Variants in DPH6 observed in about 807,000 individuals in gnomAD.
DPH6 encodes diphthamine biosynthesis 6, also known as diphthine--ammonia ligase.
In DPH6, 33 loss-of-function variants were observed where a neutral mutation model predicts 38.2. The ratio of observed to expected loss-of-function variants is 0.86; its 90% CI spans 0.65 to 1.15. DPH6 has a LOEUF of 1.15. Among genes scored for constraint, DPH6 ranks in the 50% most tolerant of loss-of-function variants. DPH6 has a pLI of 0.00. For synonymous variants in DPH6, 108 were observed against 103.0 expected, an observed-to-expected ratio of 1.05 and a Z score of -0.30; for missense variants, 325 against 320.0, an observed-to-expected ratio of 1.02 and a Z score of -0.12.
intron 5 of DPH6, among the ~76,000 whole-genome samples, chr15:35,436,334 T>G (rs189873488): frequency 1.3e-5 from 2 of 151,088 alleles, no homozygotes. Flanking sequence ...GGCGTGGTGG[T>G]GGGCGCCTGT....
At chr15:35,423,951 A>C (rs901863960) in intron 5 of DPH6, among the ~76,000 whole-genome samples, 1 of 151,730 alleles carries the variant, frequency 6.6e-6, no homozygotes, top group Non-Finnish European at 1.5e-5. Flanking sequence ...TGCCAGTGCC[A>C]TTCTGTTTTC....
chr15:35,473,800 T>C (rs2054226147), intron 3 of DPH6, among the ~76,000 whole-genome samples: 1 of 152,022 alleles, frequency 6.6e-6, no homozygotes, highest in Non-Finnish European at 1.5e-5. Flanking sequence ...AAATAATATA[T>C]ACATATAATG....
rs1228430052 is a variant in DPH6, at chr15:35,338,546, G to C, written n.208-7469C>G. 1.4e-4 allele frequency among the ~76,000 whole-genome samples: 22 copies of C among 152,270 alleles called. No individual in the cohort carries two copies. In the East Asian group the frequency reaches 3.7e-3, roughly 25 times the overall value. On this transcript the variant is annotated intron_variant and non_coding_transcript_variant, in intron 3 of 3. Transcript: ENST00000558973. ...GTCAGGAAACAACAGGTGCTGGAGAGGATGTGGAGAAATAGGAACACTTTT... is the reference window on the plus strand; with the variant it reads ...GTCAGGAAACAACAGGTGCTGGAGACGATGTGGAGAAATAGGAACACTTTT...
intron 3 of DPH6, among the ~76,000 whole-genome samples, chr15:35,239,864 CCTGACCT>C (rs1318323855): frequency 7.0e-6 from 1 of 141,864 alleles, no homozygotes; most frequent in African/African-American, 2.5e-5. Context: ...ATTTCTGCAC[CCTGACCT>C]CTTATCTCTG....
At chr15:35,522,193 G>A (rs757381366) in intron 3 of DPH6, 20 of 1,613,126 alleles carry the variant, frequency 1.2e-5, no homozygotes, top group Non-Finnish European at 1.4e-5. Context: ...GTAAACAATC[G>A]CCTGGCTGCC....
intron 5 of DPH6, 99 bp downstream of exon 5, chr15:35,450,586 A>G (rs1443148100): frequency 1.0e-6 from 1 of 970,866 alleles, no homozygotes; most frequent in Non-Finnish European, 1.6e-6. Flanking sequence ...ACATTTTTAT[A>G]TTCTAAATCA....
At chr15:35,296,928 C>T (rs1328914307) in intron 3 of DPH6, among the ~76,000 whole-genome samples, 1 of 126,820 alleles carries the variant, frequency 7.9e-6, no homozygotes, top group African/African-American at 4.3e-5. Context: ...CCTCAGCCTC[C>T]CGAGTAGCTG....
At chr15:35,339,693 T>G (rs1422964468) in intron 3 of DPH6, among the ~76,000 whole-genome samples, 2 of 152,124 alleles carry the variant, frequency 1.3e-5, no homozygotes, top group African/African-American at 4.8e-5. Context: ...TTTGTGTGGT[T>G]TTGAGTAAAT....
At chr15:35,318,207 T>C (rs1200241760) in intron 3 of DPH6, among the ~76,000 whole-genome samples, 4 of 152,210 alleles carry the variant, frequency 2.6e-5, no homozygotes, top group South Asian at 2.1e-4. Context: ...GAAAAAGATA[T>C]ACTATGGAAA....
At chr15:35,262,259 T>C (rs756230294) in intron 3 of DPH6, among the ~76,000 whole-genome samples, 14 of 152,214 alleles carry the variant, frequency 9.2e-5, no homozygotes, top group Non-Finnish European at 1.8e-4. Context: ...GGTATCACAA[T>C]TTTTCAGGAA....
intron 3 of DPH6, among the ~76,000 whole-genome samples, chr15:35,338,422 G>C (rs1024527440): frequency 6.6e-6 from 1 of 152,156 alleles, no homozygotes; most frequent in African/African-American, 2.4e-5. Context: ...CCAAAAAACA[G>C]ATGAAAGAAT....
intron 2 of DPH6, among the ~76,000 whole-genome samples, chr15:35,541,477 T>C (rs2055252279): frequency 6.7e-6 from 1 of 149,954 alleles, no homozygotes; most frequent in Admixed American, 6.7e-5. Flanking sequence ...AAAACAAGTA[T>C]TTAGCTAGAT....
the DPH6 span, among the ~76,000 whole-genome samples, chr15:35,186,319 A>G: frequency 2.0e-5 from 3 of 152,194 alleles, no homozygotes; most frequent in Non-Finnish European, 4.4e-5. Flanking sequence ...ATTATTAAAT[A>G]TAGGATCCTG....
rs188136893 is a variant in DPH6, at chr15:35,401,931, A to G, written c.567+8904T>C. Among the ~76,000 whole-genome samples the G allele has an allele frequency of 1.1e-3, 167 of 152,314 alleles. 1 individual carries two copies. The highest frequency in any genetic ancestry group is 3.9e-3 in the African/African-American group (162 of 41,566). Reference sequence around the variant, plus strand: ...AGACAAATACTCATGTGTATGGGCAAAAGACTCAAGGACTGTATTTGTGAT... The same window carrying G: ...AGACAAATACTCATGTGTATGGGCAGAAGACTCAAGGACTGTATTTGTGAT... On this transcript the variant is annotated intron_variant, in intron 6 of 8. Coordinates refer to ENST00000256538, the MANE Select transcript of DPH6 (RefSeq NM_080650.4).
intron 3 of DPH6, among the ~76,000 whole-genome samples, chr15:35,508,028 T>G (rs562135989): frequency 6.6e-6 from 1 of 152,220 alleles, no homozygotes; most frequent in Non-Finnish European, 1.5e-5. Flanking sequence ...TTTTAAACCC[T>G]CGTATTTTCT....
At chr15:35,176,447 C>G in the DPH6 span, among the ~76,000 whole-genome samples, 1 of 150,904 alleles carries the variant, frequency 6.6e-6, no homozygotes, top group Non-Finnish European at 1.5e-5. Context: ...GGGTTTTTAT[C>G]TTGCCATCAT....
chr15:35,188,166 C>T, the DPH6 span, among the ~76,000 whole-genome samples: 1 of 152,138 alleles, frequency 6.6e-6, no homozygotes, highest in Non-Finnish European at 1.5e-5. Context: ...GAAAGGCACT[C>T]TCCCAATAGA....
chr15:35,424,102 C>T (rs1023415159), intron 5 of DPH6, among the ~76,000 whole-genome samples: 6 of 151,326 alleles, frequency 4.0e-5, no homozygotes, highest in Non-Finnish European at 8.9e-5. Context: ...ATAAAGAATG[C>T]CATTGAGAAT....
chr15:35,526,564 C>T (rs1209144930), intron 3 of DPH6, among the ~76,000 whole-genome samples: 4 of 152,114 alleles, frequency 2.6e-5, no homozygotes, highest in Admixed American at 6.6e-5. Context: ...CTTTTACATA[C>T]AGGAGCACAA....
Sources: gnomAD v4.1 joint callset for allele counts (sites outside exome capture counted in the v4.1 genomes callset) on GRCh38, gnomAD v4.1.1 for gene constraint, MANE v1.5 for transcripts, NCBI Gene and HGNC (gene_info 2026-07-23, HGNC 2026-07-21) for gene names.